Variants in RFX3 observed in about 807,000 individuals in gnomAD.
RFX3 encodes transcription factor RFX3.
In RFX3, 14 loss-of-function variants were observed where a neutral mutation model predicts 98.6. That is an observed-to-expected ratio of 0.14 (90% CI 0.09 to 0.22). The LOEUF (loss-of-function observed/expected upper bound fraction) is 0.22, where lower values mean the gene tolerates loss of function less well. RFX3 is among the 10% of genes least tolerant of loss of function. The pLI is 1.00. For synonymous variants in RFX3, 383 were observed against 328.4 expected (o/e 1.17, Z -1.80); for missense variants, 639 against 926.9 (o/e 0.69, Z 4.03).
intron 10 of RFX3, 78 bp from the exon 11 acceptor site, chr9:3,270,603 G>C: frequency 1.4e-6 from 2 of 1,415,578 alleles, no homozygotes; most frequent in Non-Finnish European, 1.9e-6. Context: ...AATAGTTTAA[G>C]TTTACCAAAT....
chr9:3,523,264 A>G (rs753396654), intron 1 of RFX3, among the ~76,000 whole-genome samples: 1 of 152,212 alleles, frequency 6.6e-6, no homozygotes, highest in Non-Finnish European at 1.5e-5. Context: ...TTAGTATAAA[A>G]ACTGAAAACA....
chr9:3,430,347 A>C (rs1030717144), intron 1 of RFX3, among the ~76,000 whole-genome samples: 3 of 152,196 alleles, frequency 2.0e-5, no homozygotes, highest in African/African-American at 7.2e-5. Flanking sequence ...CATAGATCCC[A>C]GTTAGTTCCA....
At chr9:3,424,348 C>CCTT (rs1843753317) in intron 1 of RFX3, among the ~76,000 whole-genome samples, 2 of 76,008 alleles carry the variant, frequency 2.6e-5, no homozygotes, top group East Asian at 7.6e-4. Flanking sequence ...ACATAATTGA[C>CCTT]TTTTTTTTTT....
At chr9:3,246,941 T>G in intron 15 of RFX3, 1 of 526,298 alleles carries the variant, frequency 1.9e-6, no homozygotes, top group Non-Finnish European at 2.4e-6. Context: ...GACATGCATT[T>G]TATTTATACT....
chr9:3,511,321 C>T (rs1001632960), intron 1 of RFX3, among the ~76,000 whole-genome samples: 1 of 151,890 alleles, frequency 6.6e-6, no homozygotes, highest in Non-Finnish European at 1.5e-5. Flanking sequence ...AGAATAGTTT[C>T]ATGTAGTAAG....
rs117060732 is a variant in RFX3 at position 3,266,387 on chromosome 9, G to A, written c.1358-82C>T. ...TGTGCTAGAATAAAAGAAAATGCTC[G>A]TACACAATATCTGATACAGCACAGA... On this transcript the variant is annotated intron_variant, in intron 11 of 16. Coordinates refer to ENST00000617270, the MANE Select transcript of RFX3 (RefSeq NM_001282116.2). 1,232 of 818,642 alleles carry A rather than the reference G, an allele frequency of 1.5e-3. 19 individuals are homozygous for A. In the East Asian group the frequency reaches 0.028, roughly 18 times the overall value. 50.7% of individuals were successfully genotyped at this position (818,642 alleles called of 1,614,324 possible). A position where few individuals can be genotyped will look rare whatever the true frequency, so the allele number is the denominator to read the frequency against.
At chr9:3,486,241 C>T (rs1435048560) in intron 1 of RFX3, among the ~76,000 whole-genome samples, 3 of 151,132 alleles carry the variant, frequency 2.0e-5, no homozygotes, top group African/African-American at 7.3e-5. Flanking sequence ...ATATCCCTCT[C>T]TACCCTACTC....
intron 15 of RFX3, among the ~76,000 whole-genome samples, chr9:3,246,107 A>C (rs1820630323): frequency 6.6e-6 from 1 of 152,180 alleles, no homozygotes. Flanking sequence ...ATTAGTCTGA[A>C]TTTGCCTTTT....
chr9:3,255,622 T>C (rs1822028714), intron 14 of RFX3, among the ~76,000 whole-genome samples: 1 of 152,192 alleles, frequency 6.6e-6, no homozygotes, highest in South Asian at 2.1e-4. Context: ...AAAATATAAT[T>C]TACCCAACTT....
At chr9:3,290,896 G>A (rs374415006) in intron 6 of RFX3, among the ~76,000 whole-genome samples, 8 of 152,264 alleles carry the variant, frequency 5.3e-5, no homozygotes, top group African/African-American at 1.9e-4. Context: ...GCGGGCCACA[G>A]AAACCAGAAA....
chr9:3,395,681 C>A, intron 1 of RFX3, 85 bp from the exon 2 acceptor site: 1 of 1,408,254 alleles, frequency 7.1e-7, no homozygotes, highest in Admixed American at 1.8e-5. Context: ...AAATCCTATA[C>A]TGAAACTAAC....
chr9:3,477,016 A>G (rs1315236209), intron 1 of RFX3, among the ~76,000 whole-genome samples: 6 of 152,186 alleles, frequency 3.9e-5, no homozygotes, highest in African/African-American at 1.4e-4. Context: ...TGTAATACAT[A>G]TATGTCACTA....
At chr9:3,462,017 T>C (rs969367305) in intron 1 of RFX3, among the ~76,000 whole-genome samples, 13 of 152,126 alleles carry the variant, frequency 8.5e-5, no homozygotes, top group African/African-American at 2.6e-4. Context: ...TTCCGATTCA[T>C]AATTAAGTTG....
intron 1 of RFX3, among the ~76,000 whole-genome samples, chr9:3,433,473 T>C (rs1318867384): frequency 6.6e-6 from 1 of 152,212 alleles, no homozygotes; most frequent in Non-Finnish European, 1.5e-5. Context: ...ATAATACAGA[T>C]AACATAGAAA....
chr9:3,490,394 T>G (rs1850638932), intron 1 of RFX3: 1 of 667,820 alleles, frequency 1.5e-6, no homozygotes, highest in Non-Finnish European at 1.8e-6. Flanking sequence ...AAATGAATTT[T>G]TTGATATGTA....
chr9:3,347,285 C>T (rs910622826), intron 2 of RFX3, among the ~76,000 whole-genome samples: 1 of 151,156 alleles, frequency 6.6e-6, no homozygotes, highest in African/African-American at 2.4e-5. Context: ...TGTGCCACTG[C>T]GCTCCAGCCT....
chr9:3,414,507 A>T (rs34283600), intron 1 of RFX3, among the ~76,000 whole-genome samples: 1 of 150,618 alleles, frequency 6.6e-6, no homozygotes, highest in Non-Finnish European at 1.5e-5. Flanking sequence ...ATATACATAT[A>T]TAAGAGTATA....
At chr9:3,395,676 C>CTA in intron 1 of RFX3, 80 bp from the exon 2 acceptor site, 1 of 1,478,530 alleles carries the variant, frequency 6.8e-7, no homozygotes, top group Non-Finnish European at 9.3e-7. Context: ...TCTTAAAATC[C>CTA]TATACTGAAA....
At chr9:3,314,383 G>C (rs1830326884) in intron 4 of RFX3, among the ~76,000 whole-genome samples, 4 of 152,140 alleles carry the variant, frequency 2.6e-5, no homozygotes, top group African/African-American at 7.2e-5. Flanking sequence ...CACTGAACAT[G>C]GAAACAAATA....
Sources: gnomAD v4.1 joint callset for allele counts (sites outside exome capture counted in the v4.1 genomes callset) on GRCh38, gnomAD v4.1.1 for gene constraint, MANE v1.5 for transcripts, NCBI Gene and HGNC (gene_info 2026-07-23, HGNC 2026-07-21) for gene names.